Variants in ZBTB7C observed in about 807,000 individuals in gnomAD.
ZBTB7C encodes the protein zinc finger and BTB domain-containing protein 7C.
In ZBTB7C, 8 loss-of-function variants were observed where a neutral mutation model predicts 25.7. That is an observed-to-expected ratio of 0.31 (90% confidence interval 0.18 to 0.56). ZBTB7C has a LOEUF of 0.56. Among genes scored for constraint, ZBTB7C ranks in the 20% least tolerant of loss-of-function variants. The pLI is 0.91. For synonymous variants in ZBTB7C, 394 were observed against 369.0 expected, an observed-to-expected ratio of 1.07 and a Z score of -0.78; for missense variants, 824 against 855.2, an observed-to-expected ratio of 0.96 and a Z score of 0.46.
At chr18:48,218,092 G>T (rs2042867773) in intron 2 of ZBTB7C, among the ~76,000 whole-genome samples, 1 of 152,122 alleles carries the variant, frequency 6.6e-6, no homozygotes, top group Non-Finnish European at 1.5e-5. Context: ...CAGGGTGCCT[G>T]GTTCAAAGTC....
At chr18:48,110,942 G>A (rs1489774711) in intron 3 of ZBTB7C, among the ~76,000 whole-genome samples, 1 of 152,212 alleles carries the variant, frequency 6.6e-6, no homozygotes, top group African/African-American at 2.4e-5. Flanking sequence ...AGTGGACAGA[G>A]TTACAATCAA....
At chr18:48,298,717 G>A (rs994165872) in intron 2 of ZBTB7C, among the ~76,000 whole-genome samples, 2 of 152,192 alleles carry the variant, frequency 1.3e-5, no homozygotes, top group African/African-American at 2.4e-5. Context: ...GCCCTCTGGG[G>A]TATAGTCTCC....
intron 2 of ZBTB7C, among the ~76,000 whole-genome samples, chr18:48,277,922 G>C (rs2044715388): frequency 6.6e-6 from 1 of 152,190 alleles, no homozygotes; most frequent in Admixed American, 6.5e-5. Flanking sequence ...GGGGAGGAGG[G>C]ATTGGAGTGG....
intron 2 of ZBTB7C, among the ~76,000 whole-genome samples, chr18:48,286,779 C>T (rs560448292): frequency 1.6e-4 from 25 of 152,054 alleles, no homozygotes; most frequent in Non-Finnish European, 2.8e-4. Flanking sequence ...AGGCCAGGCA[C>T]GGTGGCTCAT....
intron 3 of ZBTB7C, among the ~76,000 whole-genome samples, chr18:48,117,792 C>T (rs1057378979): frequency 5.3e-5 from 8 of 152,172 alleles, no homozygotes; most frequent in Non-Finnish European, 2.9e-5. Flanking sequence ...TACCAAACAG[C>T]TCCCCAGATA....
At chr18:48,279,154 G>C (rs989269628) in intron 2 of ZBTB7C, among the ~76,000 whole-genome samples, 1 of 151,770 alleles carries the variant, frequency 6.6e-6, no homozygotes, top group South Asian at 2.1e-4. Flanking sequence ...CGGTCCCCCC[G>C]GCACCCCCAC....
intron 1 of ZBTB7C, among the ~76,000 whole-genome samples, chr18:48,367,202 T>TATATATATACAC (rs1302394192): frequency 1.9e-3 from 119 of 63,340 alleles, no homozygotes; most frequent in African/African-American, 4.4e-3. Flanking sequence ...TATATATATA[T>TATATATATACAC]ACACACACAC....
In ZBTB7C at chr18:48,059,882, C is replaced by T. The variant is rs142034954; in HGVS notation, c.-16-18759G>A. Among the ~76,000 whole-genome samples the T allele has an allele frequency of 2.3e-4, 35 of 152,292 alleles. No homozygotes were observed. The East Asian group carries it at 6.4e-3, about 28-fold the overall frequency. ...GTCCCCAGAGGTCCATCCCCCCACC[C>T]GCCCAGGCAGCTTCCCTACAGGCAG... is the stretch of plus-strand genomic sequence containing the variant. On this transcript the variant is annotated intron_variant, in intron 3 of 4. Transcript: ENST00000590800.
At chr18:48,280,586 C>A (rs2044810160) in intron 2 of ZBTB7C, among the ~76,000 whole-genome samples, 1 of 152,146 alleles carries the variant, frequency 6.6e-6, no homozygotes, top group Non-Finnish European at 1.5e-5. Context: ...ATCTGCACAA[C>A]CCTGTGACTA....
chr18:48,182,511 A>T (rs1187690449), intron 3 of ZBTB7C, among the ~76,000 whole-genome samples: 1 of 152,220 alleles, frequency 6.6e-6, no homozygotes, highest in Non-Finnish European at 1.5e-5. Context: ...AGATGCACAG[A>T]GGAGACTCAG....
intron 3 of ZBTB7C, among the ~76,000 whole-genome samples, chr18:48,125,542 T>C (rs1235913368): frequency 6.6e-6 from 1 of 152,220 alleles, no homozygotes; most frequent in Non-Finnish European, 1.5e-5. Flanking sequence ...CGGCTAACCC[T>C]GTTCCCCAGA....
chr18:48,124,689 G>T (rs2039742305), intron 3 of ZBTB7C, among the ~76,000 whole-genome samples: 1 of 152,172 alleles, frequency 6.6e-6, no homozygotes, highest in Non-Finnish European at 1.5e-5. Flanking sequence ...GATGCTGGCT[G>T]GCATTTTTGG....
At chr18:48,176,698 CTG>C (rs1387797885) in intron 3 of ZBTB7C, among the ~76,000 whole-genome samples, 2 of 151,722 alleles carry the variant, frequency 1.3e-5, no homozygotes, top group Non-Finnish European at 2.9e-5. Context: ...GCAGGTAAAA[CTG>C]AGATATAAGA....
chr18:48,329,248 G>A (rs544225888), intron 2 of ZBTB7C, among the ~76,000 whole-genome samples: 1 of 152,282 alleles, frequency 6.6e-6, no homozygotes, highest in East Asian at 1.9e-4. Context: ...AAGGCCCAGC[G>A]GCCTCTTCCA....
At chr18:48,096,544 G>C (rs1041610381) in intron 3 of ZBTB7C, among the ~76,000 whole-genome samples, 1 of 152,188 alleles carries the variant, frequency 6.6e-6, no homozygotes, top group African/African-American at 2.4e-5. Context: ...GGCAAAGAGA[G>C]AGGGCAGAGG....
chr18:48,335,443 C>T (rs1014496966), intron 2 of ZBTB7C, among the ~76,000 whole-genome samples: 3 of 152,162 alleles, frequency 2.0e-5, no homozygotes, highest in Non-Finnish European at 2.9e-5. Flanking sequence ...ACCCAGCAAG[C>T]GGCAGAGTCC....
chr18:48,111,880 G>A (rs940651014), intron 3 of ZBTB7C, among the ~76,000 whole-genome samples: 1 of 152,130 alleles, frequency 6.6e-6, no homozygotes, highest in South Asian at 2.1e-4. Flanking sequence ...AAATTATTAC[G>A]TACATTCTCT....
At chr18:48,243,788 T>C (rs1015376658) in intron 2 of ZBTB7C, among the ~76,000 whole-genome samples, 1 of 152,140 alleles carries the variant, frequency 6.6e-6, no homozygotes, top group Non-Finnish European at 1.5e-5. Context: ...TATAAGGTCA[T>C]AGTCACCAAA....
At chr18:48,385,958 C>T (rs982191457) in intron 1 of ZBTB7C, among the ~76,000 whole-genome samples, 2 of 152,180 alleles carry the variant, frequency 1.3e-5, no homozygotes, top group African/African-American at 2.4e-5. Context: ...TTTTTAACCC[C>T]TTATGGTTAG....
Sources: allele counts gnomAD v4.1 joint callset (sites outside exome capture counted in the v4.1 genomes callset), GRCh38; gene constraint gnomAD v4.1.1; transcripts MANE v1.5; gene names NCBI Gene and HGNC (gene_info 2026-07-23, HGNC 2026-07-21).